Variants in PAK2 observed in about 807,000 individuals in gnomAD.
The protein encoded by PAK2 is p21 (RAC1) activated kinase 2, also known as serine/threonine-protein kinase PAK 2.
A neutral mutation model predicts 65.9 loss-of-function variants in PAK2; 21 were observed. The observed-to-expected ratio is 0.32, with a 90% CI of 0.23 to 0.46. The LOEUF (loss-of-function observed/expected upper bound fraction) is 0.46, where lower values mean the gene tolerates loss of function less well. PAK2 is among the 20% of genes least tolerant of loss of function. The pLI, the probability that PAK2 is intolerant of heterozygous loss-of-function variation, is 1.00. For synonymous variants in PAK2, 204 were observed against 219.7 expected, an observed-to-expected ratio of 0.93 and a Z score of 0.63; for missense variants, 324 against 642.6, an observed-to-expected ratio of 0.50 and a Z score of 5.36.
At chr3:196,815,655 TAC>T (rs1715998415) in intron 11 of PAK2, among the ~76,000 whole-genome samples, 2 of 151,684 alleles carry the variant, frequency 1.3e-5, no homozygotes, top group South Asian at 2.1e-4. Flanking sequence ...GGTGTGGTGG[TAC>T]GCGCCTGTAG....
intron 1 of PAK2, among the ~76,000 whole-genome samples, chr3:196,753,366 G>A (rs1049307808): frequency 2.0e-5 from 3 of 151,780 alleles, no homozygotes; most frequent in Non-Finnish European, 2.9e-5. Flanking sequence ...CATCTCAGCC[G>A]CCTGAGTAGC....
chr3:196,764,061 G>C (rs539336077), intron 1 of PAK2, among the ~76,000 whole-genome samples: 1 of 151,104 alleles, frequency 6.6e-6, no homozygotes, highest in Non-Finnish European at 1.5e-5. Context: ...ACCTGCCTCC[G>C]AAAGTGCTGG....
At chr3:196,825,145 A>G (rs552046860) in intron 13 of PAK2, among the ~76,000 whole-genome samples, 2 of 152,062 alleles carry the variant, frequency 1.3e-5, no homozygotes, top group Admixed American at 1.3e-4. Flanking sequence ...TAGGAGTTTG[A>G]GACCAGCCTG....
At chr3:196,781,664 G>A (rs1714718870) in intron 1 of PAK2, among the ~76,000 whole-genome samples, 1 of 152,232 alleles carries the variant, frequency 6.6e-6, no homozygotes, top group Non-Finnish European at 1.5e-5. Flanking sequence ...TGTATCAGCA[G>A]TGCATTGTTT....
At chr3:196,792,780 G>A (rs1715114304) in intron 2 of PAK2, among the ~76,000 whole-genome samples, 1 of 150,968 alleles carries the variant, frequency 6.6e-6, no homozygotes, top group East Asian at 1.9e-4. Context: ...TCCCTCCCAA[G>A]ACCCAACTAA....
intron 1 of PAK2, among the ~76,000 whole-genome samples, chr3:196,776,459 G>A (rs555073170): frequency 6.6e-6 from 1 of 152,140 alleles, no homozygotes; most frequent in Non-Finnish European, 1.5e-5. Context: ...AATTCCGGTT[G>A]TTCAGACTTC....
At chr3:196,798,123 A>C (rs1272779101) in intron 2 of PAK2, among the ~76,000 whole-genome samples, 2 of 152,166 alleles carry the variant, frequency 1.3e-5, no homozygotes, top group East Asian at 1.9e-4. Context: ...GAATAAATGA[A>C]ATAGGGGGAA....
chr3:196,759,524 T>TTTTTTTTTTTTTTTTTTTTTG (rs1560092899), intron 1 of PAK2, among the ~76,000 whole-genome samples: 1 of 134,832 alleles, frequency 7.4e-6, no homozygotes, highest in Non-Finnish European at 1.6e-5. Context: ...TTTTTTTTTT[T>TTTTTTTTTTTTTTTTTTTTTG]TTTTTTTTTT....
rs1712100014 is a variant in PAK2 at position 196,831,832 on chromosome 3, G to A, written c.*3427G>A. 1 of 152,118 alleles carries A rather than the reference G, an allele frequency of 6.6e-6. No homozygotes were observed. Among genetic ancestry groups the A allele is most frequent in the African/African-American group, 2.4e-5 (1 of 41,426 alleles). 9.4% of individuals were successfully genotyped at this position (152,118 alleles called of 1,614,324 possible). A position where few individuals can be genotyped will look rare whatever the true frequency, so the allele number is the denominator to read the frequency against. Reference sequence around the variant, plus strand: ...CAGTGTCAAAATATTATAGATTATAGCTAAAATCCAGATTAATACTCATTT... The same window carrying A: ...CAGTGTCAAAATATTATAGATTATAACTAAAATCCAGATTAATACTCATTT... On this transcript the variant is annotated 3_prime_UTR_variant, in exon 15 of 15. Transcript: ENST00000327134.
At chr3:196,774,047 C>A (rs943249896) in intron 1 of PAK2, among the ~76,000 whole-genome samples, 19 of 151,908 alleles carry the variant, frequency 1.3e-4, no homozygotes, top group Admixed American at 3.3e-4. Flanking sequence ...AAAACAACAA[C>A]AAAAAAAATC....
intron 14 of PAK2, 146 bp from the exon 15 acceptor site, chr3:196,828,173 G>C: frequency 1.6e-6 from 1 of 611,272 alleles, no homozygotes; most frequent in East Asian, 2.7e-5. Flanking sequence ...CGTTGATTAT[G>C]TTAGTCTTAT....
At chr3:196,784,321 A>G in intron 2 of PAK2, among the ~76,000 whole-genome samples, 1 of 108,854 alleles carries the variant, frequency 9.2e-6, no homozygotes, top group Admixed American at 1.0e-4. Flanking sequence ...GGTGCGCTGC[A>G]CCCACTAACT....
chr3:196,773,761 A>T (rs955795224), intron 1 of PAK2, among the ~76,000 whole-genome samples: 2 of 152,100 alleles, frequency 1.3e-5, no homozygotes, highest in Admixed American at 1.3e-4. Flanking sequence ...CCTCCCAGCT[A>T]CTTGGGAGGC....
At position 196,791,756 on chromosome 3, in the gene PAK2, C is replaced by T. The variant is rs1357302999; in HGVS notation, c.187+8923C>T. Among the ~76,000 whole-genome samples the T allele has an allele frequency of 1.3e-5, 2 of 151,874 alleles. No homozygotes were observed. The highest frequency in any genetic ancestry group is 4.8e-5 in the African/African-American group (2 of 41,332). ...TGGCTAACAAGGTGAAACCCCGTCT[C>T]TACTAAAAATACAAAAAGTTAGCCA... On this transcript the variant is annotated intron_variant, in intron 2 of 14. Coordinates refer to ENST00000327134, the MANE Select transcript of PAK2 (RefSeq NM_002577.4). The surrounding 1 kb of genome is among the most constrained non-coding windows in gnomAD (Gnocchi z 4.0).
At position 196,765,874 on chromosome 3, in the gene PAK2, AATAAAAAGAGCT is replaced by A. The variant is rs1714146707; in HGVS notation, c.-21-16745_-21-16734del. Among the ~76,000 whole-genome samples, 3 of 152,096 alleles carry A rather than the reference AATAAAAAGAGCT, an allele frequency of 2.0e-5. No homozygotes were observed. In the South Asian group the frequency reaches 6.2e-4, roughly 32 times the overall value. ...AACACTTTGCTAGGTGCTCCTTGAG[AATAAAAAGAGCT>A]ATAAAATTAGTATCTTCTTTTTTTT... On this transcript the variant is annotated intron_variant, in intron 1 of 14. Transcript: ENST00000327134.
At chr3:196,795,454 G>A (rs1321518945) in intron 2 of PAK2, among the ~76,000 whole-genome samples, 4 of 151,974 alleles carry the variant, frequency 2.6e-5, no homozygotes, top group African/African-American at 9.7e-5. Flanking sequence ...GTGTCAGAGC[G>A]AGACCCTGTT....
At position 196,832,307 on chromosome 3, in the gene PAK2, T is replaced by C. The variant is rs1712117948; in HGVS notation, c.*3902T>C. ...ATTGGCTTTTTTTTTCTTGTTTTGA[T>C]AGAAATGGAATTAAGCAAAAGTAGT... On this transcript the variant is annotated 3_prime_UTR_variant, in exon 15 of 15. Coordinates refer to ENST00000327134, the MANE Select transcript of PAK2 (RefSeq NM_002577.4). The C allele has an allele frequency of 6.6e-6, 1 of 152,224 alleles. No homozygotes were observed. The highest frequency in any genetic ancestry group is 2.4e-5 in the African/African-American group (1 of 41,456). 9.4% of individuals were successfully genotyped at this position (152,224 alleles called of 1,614,324 possible).
At chr3:196,796,678 A>G (rs4916551) in intron 2 of PAK2, among the ~76,000 whole-genome samples, 145,543 of 152,166 alleles carry the variant, frequency 0.96, 69,772 homozygotes, top group Non-Finnish European at 0.99. Context: ...TGATAAAAAC[A>G]GACCTACCTA....
intron 1 of PAK2, among the ~76,000 whole-genome samples, chr3:196,769,931 A>C (rs1453519305): frequency 6.6e-6 from 1 of 152,052 alleles, no homozygotes; most frequent in Non-Finnish European, 1.5e-5. Flanking sequence ...TATGAATTTG[A>C]CTAAGGTATC....
Sources: allele counts gnomAD v4.1 joint callset (sites outside exome capture counted in the v4.1 genomes callset), GRCh38; gene constraint gnomAD v4.1.1; non-coding constraint Gnocchi (gnomAD v3.1); transcripts MANE v1.5; gene names NCBI Gene and HGNC (gene_info 2026-07-23, HGNC 2026-07-21).